The following GALNT13 variants were observed in gnomAD, a reference collection of about 807,000 sequenced individuals.
The protein encoded by GALNT13 is polypeptide N-acetylgalactosaminyltransferase 13, also known as UDP-GalNAc:polypeptide N-acetylgalactosaminyltransferase 13.
A neutral mutation model predicts 64.2 loss-of-function variants in GALNT13; 28 were observed. The ratio of observed to expected loss-of-function variants is 0.44; its 90% CI spans 0.32 to 0.60. The LOEUF (loss-of-function observed/expected upper bound fraction) is 0.60. Among genes scored for constraint, GALNT13 ranks in the 20% least tolerant of loss-of-function variants. The pLI, the probability that GALNT13 is intolerant of heterozygous loss-of-function variation, is 0.05. For synonymous variants in GALNT13, 214 were observed against 224.6 expected, an observed-to-expected ratio of 0.95 and a Z score of 0.42; for missense variants, 577 against 669.8, an observed-to-expected ratio of 0.86 and a Z score of 1.53.
chr2:154,236,089 G>A (rs1425321114), intron 4 of GALNT13: 2 of 1,196,320 alleles, frequency 1.7e-6, no homozygotes, highest in South Asian at 1.6e-5. Context: ...CCAGATGACA[G>A]AAGAGATTGT....
intron 3 of GALNT13, among the ~76,000 whole-genome samples, chr2:153,994,369 A>G (rs1259325119): frequency 1.3e-5 from 2 of 152,226 alleles, no homozygotes; most frequent in African/African-American, 4.8e-5. Context: ...TAGTGCTGCA[A>G]TAAACATACG....
chr2:153,314,444 A>C, the GALNT13 span, among the ~76,000 whole-genome samples: 1 of 152,120 alleles, frequency 6.6e-6, no homozygotes, highest in African/African-American at 2.4e-5. Flanking sequence ...CCAAAAAGAC[A>C]CCTATAGAAC....
At chr2:153,857,189 G>C in the GALNT13 span, among the ~76,000 whole-genome samples, 2 of 152,070 alleles carry the variant, frequency 1.3e-5, no homozygotes, top group African/African-American at 4.8e-5. Context: ...TGTCAACTTG[G>C]TAATTTGAAA....
At chr2:153,645,696 A>G in the GALNT13 span, among the ~76,000 whole-genome samples, 1 of 152,130 alleles carries the variant, frequency 6.6e-6, no homozygotes, top group African/African-American at 2.4e-5. Context: ...CTGAAATAGA[A>G]AAAAAGCATT....
At chr2:153,514,346 C>G in the GALNT13 span, among the ~76,000 whole-genome samples, 1 of 152,284 alleles carries the variant, frequency 6.6e-6, no homozygotes, top group Non-Finnish European at 1.5e-5. Context: ...CATCTTCCTG[C>G]TTCATTTTGC....
At chr2:153,484,863 A>G in the GALNT13 span, among the ~76,000 whole-genome samples, 2 of 152,124 alleles carry the variant, frequency 1.3e-5, no homozygotes, top group Non-Finnish European at 2.9e-5. Context: ...TCTGCCTCCT[A>G]TTGCCAGTCA....
At chr2:154,079,657 C>T (rs1701171243) in intron 3 of GALNT13, among the ~76,000 whole-genome samples, 2 of 151,450 alleles carry the variant, frequency 1.3e-5, no homozygotes, top group Non-Finnish European at 3.0e-5. Flanking sequence ...ATGCATGGTG[C>T]CCTCCTTATG....
At chr2:153,562,060 C>CTGTGTG in the GALNT13 span, among the ~76,000 whole-genome samples, 1,395 of 118,862 alleles carry the variant, frequency 0.012, 43 homozygotes, top group East Asian at 0.07. Context: ...CTCTCTCTCT[C>CTGTGTG]TGTGTGTGTG....
the GALNT13 span, among the ~76,000 whole-genome samples, chr2:153,714,917 C>T: frequency 5.9e-5 from 9 of 152,330 alleles, no homozygotes; most frequent in African/African-American, 2.2e-4. Flanking sequence ...TTAGGGAATA[C>T]TGCCATAAGC....
chr2:153,407,754 G>A, the GALNT13 span, among the ~76,000 whole-genome samples: 15 of 152,132 alleles, frequency 9.9e-5, no homozygotes, highest in Non-Finnish European at 2.1e-4. Context: ...TAATTTTAAT[G>A]TAATATCCAC....
the GALNT13 span, among the ~76,000 whole-genome samples, chr2:153,829,132 A>T: frequency 6.6e-6 from 1 of 152,122 alleles, no homozygotes; most frequent in African/African-American, 2.4e-5. Flanking sequence ...AAACTTTCCC[A>T]CATTTTCCTG....
chr2:154,018,322 A>C (rs1313087015), intron 3 of GALNT13, among the ~76,000 whole-genome samples: 1 of 152,224 alleles, frequency 6.6e-6, no homozygotes. Context: ...TGCAAAATGC[A>C]ATTAAAGTAG....
upstream of GALNT13, among the ~76,000 whole-genome samples, chr2:153,868,723 A>G (rs189282216): frequency 6.6e-6 from 1 of 152,316 alleles, no homozygotes; most frequent in Non-Finnish European, 1.5e-5. Flanking sequence ...GGCCCTATAC[A>G]TTTGGCCTTA....
At chr2:154,335,019 T>A (rs1325491092) in intron 9 of GALNT13, among the ~76,000 whole-genome samples, 3 of 152,036 alleles carry the variant, frequency 2.0e-5, no homozygotes, top group Non-Finnish European at 2.9e-5. Flanking sequence ...CCTAGCTAAC[T>A]TATGCTCAGC....
chr2:154,304,530 C>T (rs1261040402), intron 9 of GALNT13, among the ~76,000 whole-genome samples: 1 of 152,100 alleles, frequency 6.6e-6, no homozygotes, highest in Admixed American at 6.6e-5. Context: ...GTATTATATT[C>T]ATCCATGATG....
intron 4 of GALNT13, among the ~76,000 whole-genome samples, chr2:154,176,221 G>C (rs1685638652): frequency 6.6e-6 from 1 of 150,402 alleles, no homozygotes; most frequent in African/African-American, 2.4e-5. Flanking sequence ...GTTTGTTTAA[G>C]GTCTAGTAGA....
At chr2:154,024,677 CCTT>C (rs1697810683) in intron 3 of GALNT13, among the ~76,000 whole-genome samples, 3 of 152,096 alleles carry the variant, frequency 2.0e-5, no homozygotes, top group African/African-American at 7.2e-5. Context: ...TCGTCTGAAG[CCTT>C]CTTCTCTCAG....
the GALNT13 span, among the ~76,000 whole-genome samples, chr2:153,191,301 A>G: frequency 6.6e-6 from 1 of 152,054 alleles, no homozygotes; most frequent in Non-Finnish European, 1.5e-5. Context: ...GAATTTTATC[A>G]GATGCTTTTT....
chr2:154,069,222 G>A (rs1700621567), intron 3 of GALNT13, among the ~76,000 whole-genome samples: 1 of 151,814 alleles, frequency 6.6e-6, no homozygotes, highest in Non-Finnish European at 1.5e-5. Flanking sequence ...CACCAAGAAA[G>A]TTCTTCGGCT....
Sources: allele counts gnomAD v4.1 joint callset (sites outside exome capture counted in the v4.1 genomes callset), GRCh38; gene constraint gnomAD v4.1.1; transcripts MANE v1.5; gene names NCBI Gene and HGNC (gene_info 2026-07-23, HGNC 2026-07-21).